Variants in MTA1 observed in about 807,000 individuals in gnomAD.
MTA1 encodes the protein metastasis-associated protein MTA1.
A neutral mutation model predicts 97.0 loss-of-function variants in MTA1; 15 were observed. That is an observed-to-expected ratio of 0.15 (90% CI 0.10 to 0.24). The LOEUF (loss-of-function observed/expected upper bound fraction) is 0.24, where lower values mean the gene tolerates loss of function less well. Ranked by LOEUF, MTA1 falls within the 10% of genes least tolerant of loss-of-function variation. The pLI, the probability that MTA1 is intolerant of heterozygous loss-of-function variation, is 1.00. For synonymous variants in MTA1, 435 were observed against 417.5 expected, an observed-to-expected ratio of 1.04 and a Z score of -0.51; for missense variants, 709 against 1,015.1, an observed-to-expected ratio of 0.70 and a Z score of 4.10.
chr14:105,438,891 A>G, intron 2 of MTA1, 152 bp downstream of exon 2: 1 of 746,844 alleles, frequency 1.3e-6, no homozygotes, highest in Non-Finnish European at 2.2e-6. Context: ...GTCCACTGTC[A>G]CCTGCACCGT....
At position 105,422,425 on chromosome 14, in the gene MTA1, G is replaced by A. The variant is rs587742282; in HGVS notation, c.28+2362G>A. 6.6e-6 allele frequency among the ~76,000 whole-genome samples: 1 copy of A among 152,248 alleles called. No homozygotes were observed. The highest frequency in any genetic ancestry group is 2.4e-5 in the African/African-American group (1 of 41,540). ...TTTGTCCGTCTGTCGCCGGCTGCCT[G>A]GCACGGGCTCCATCTGGGTGGCCAG... On this transcript the variant is annotated intron_variant, in intron 1 of 20. Transcript: ENST00000331320. The surrounding 1 kb of genome is among the most constrained non-coding windows in gnomAD (Gnocchi z 4.3).
At chr14:105,428,301 T>A (rs1450877078) in intron 1 of MTA1, among the ~76,000 whole-genome samples, 1 of 151,974 alleles carries the variant, frequency 6.6e-6, no homozygotes, top group African/African-American at 2.4e-5. Context: ...GCGTCTTTCT[T>A]TTTTTTTGAG....
At chr14:105,452,362 T>C (rs2082977565) in intron 6 of MTA1, among the ~76,000 whole-genome samples, 1 of 152,154 alleles carries the variant, frequency 6.6e-6, no homozygotes, top group South Asian at 2.1e-4. Flanking sequence ...CGGCACCAAA[T>C]AGAAACCACT....
chr14:105,443,101 G>C (rs1376694337), intron 2 of MTA1, among the ~76,000 whole-genome samples: 3 of 152,214 alleles, frequency 2.0e-5, no homozygotes, highest in African/African-American at 7.2e-5. Context: ...CCCCACTGCG[G>C]TGGAGCCTGT....
chr14:105,457,208 G>A (rs990025895), intron 7 of MTA1, among the ~76,000 whole-genome samples: 2 of 152,228 alleles, frequency 1.3e-5, no homozygotes, highest in Non-Finnish European at 2.9e-5. Context: ...GAGGACAATT[G>A]TGGAGCTCTT....
chr14:105,464,267 T>C lies in MTA1; in HGVS notation c.1192+120T>C, dbSNP rs587681576. ...CAAGGGGCCCACTGACGATGGGGGCTGCGTCCCAGGGGTGTGGTTGGGAGA... is the reference window on the plus strand; with the variant it reads ...CAAGGGGCCCACTGACGATGGGGGCCGCGTCCCAGGGGTGTGGTTGGGAGA... On this transcript the variant is annotated intron_variant, in intron 13 of 20. Transcript: ENST00000331320. 153 of 1,262,332 alleles carry C rather than the reference T, an allele frequency of 1.2e-4. No individual in the cohort carries two copies. The South Asian group carries it at 2.1e-3, about 17-fold the overall frequency. The allele number at this position is 1,262,332 out of a possible 1,614,324, so 78.2% of individuals were successfully genotyped here.
At chr14:105,438,320 T>C (rs1555424876) in intron 1 of MTA1, among the ~76,000 whole-genome samples, 1 of 152,064 alleles carries the variant, frequency 6.6e-6, no homozygotes, top group Non-Finnish European at 1.5e-5. Context: ...GAGCTGGGCT[T>C]TGCCTGGGAA....
chr14:105,469,922 G>A lies in MTA1; in HGVS notation c.1927G>A (p.Val643Ile). The A allele has an allele frequency of 6.2e-7, 1 of 1,612,212 alleles. No homozygotes were observed. Among genetic ancestry groups the A allele is most frequent in the African/African-American group, 1.3e-5 (1 of 75,042 alleles). Residue 643 changes from valine (V) to isoleucine (I), a missense_variant, in exon 20 of 21, where the codon GTC becomes ATC. Around this residue, in one of 2 missense-constraint regions of MTA1, gnomAD observed 388 missense variants for 421.6 expected, o/e 0.92. Transcript: ENST00000331320. ...GATCCGGGGGGGCTCCCTGCCCCCAGTCAAGCGGCGGCGGATGAACTGGAT... is the reference window on the plus strand; with the variant it reads ...GATCCGGGGGGGCTCCCTGCCCCCAATCAAGCGGCGGCGGATGAACTGGAT... Reference protein sequence around the residue: ...RLIRGGSLPPVKRRRMNWIDA... With the variant: ...RLIRGGSLPPIKRRRMNWIDA...
chr14:105,447,544 G>A (rs995294433), intron 3 of MTA1, among the ~76,000 whole-genome samples: 3 of 152,218 alleles, frequency 2.0e-5, no homozygotes, highest in Non-Finnish European at 2.9e-5. Context: ...CAGAGGGCAG[G>A]TTTTCCAGAA....
chr14:105,436,315 C>T (rs2082322902), intron 1 of MTA1, among the ~76,000 whole-genome samples: 2 of 152,138 alleles, frequency 1.3e-5, no homozygotes, highest in Admixed American at 6.5e-5. Context: ...TGATATTTTC[C>T]CCTCTACTAT....
In MTA1 at chr14:105,470,253, C is replaced by G. The variant is rs1555434269; in HGVS notation, c.*38C>G. ...CCTGCGGCCGCCCCCCGCCCCTCGC[C>G]CGCCCACACGGCCCCTTCCCAGCCA... is the stretch of plus-strand genomic sequence containing the variant. On this transcript the variant is annotated 3_prime_UTR_variant, in exon 21 of 21. Transcript: ENST00000331320. 1 of 1,425,816 alleles carries G rather than the reference C, an allele frequency of 7.0e-7. No homozygotes were observed. The highest frequency in any genetic ancestry group is 2.9e-5 in the Admixed American group (1 of 34,838). The allele number at this position is 1,425,816 out of a possible 1,614,324, so 88.3% of individuals were successfully genotyped here. A position where few individuals can be genotyped will look rare whatever the true frequency, so the allele number is the denominator to read the frequency against.
chr14:105,465,274 A>C, intron 16 of MTA1, 91 bp downstream of exon 16: 2 of 1,144,182 alleles, frequency 1.7e-6, no homozygotes, highest in Non-Finnish European at 1.2e-6. Flanking sequence ...AGCCTTCTCT[A>C]GCTGGGAGCT....
At chr14:105,455,641 G>A (rs1317600826) in intron 7 of MTA1, among the ~76,000 whole-genome samples, 2 of 152,236 alleles carry the variant, frequency 1.3e-5, no homozygotes, top group African/African-American at 4.8e-5. Flanking sequence ...TCAGCCTCCC[G>A]AGTAGCTGGT....
intron 6 of MTA1, among the ~76,000 whole-genome samples, chr14:105,451,775 CTTTTT>C (rs1436886470): frequency 2.5e-5 from 3 of 118,268 alleles, no homozygotes; most frequent in Non-Finnish European, 3.4e-5. Context: ...TTTTCTTTTT[CTTTTT>C]TTGTTTTTTT....
chr14:105,462,949 C>CA (rs1462739930), intron 10 of MTA1, among the ~76,000 whole-genome samples: 1 of 152,234 alleles, frequency 6.6e-6, no homozygotes, highest in African/African-American at 2.4e-5. Flanking sequence ...GACCTTGTGC[C>CA]AGCTCCTCTT....
Position 105,420,134 on chromosome 14 carries a change from C to CCCCA in MTA1, c.28+74_28+75insACCC. The stretch of plus-strand genomic sequence containing the variant: ...CCCCACCCGCCGCCGCTGCCGCCTC[C>CCCCA]CCCGCCCCTCTGCCCCGCAGGCCCC... On this transcript the variant is annotated intron_variant, in intron 1 of 20. Transcript: ENST00000331320. This position sits in a 1 kb window ranked among gnomAD's most constrained non-coding sequence, Gnocchi z 5.3. 24 of 795,304 alleles carry CCCCA rather than the reference C, an allele frequency of 3.0e-5. No individual in the cohort carries two copies. Among genetic ancestry groups the CCCCA allele is most frequent in the Middle Eastern group, 6.1e-4 (1 of 1,628 alleles). 49.3% of individuals were successfully genotyped at this position (795,304 alleles called of 1,614,324 possible).
chr14:105,444,292 G>A (rs1400562339), intron 2 of MTA1, among the ~76,000 whole-genome samples: 3 of 148,342 alleles, frequency 2.0e-5, no homozygotes, highest in African/African-American at 5.0e-5. Context: ...GGAGAATGGC[G>A]TGAACCCAGG....
At chr14:105,426,375 CAAAAAAA>C (rs781801650) in intron 1 of MTA1, among the ~76,000 whole-genome samples, 2 of 104,094 alleles carry the variant, frequency 1.9e-5, no homozygotes, top group African/African-American at 8.0e-5. Flanking sequence ...CTTCGTCTCA[CAAAAAAA>C]AAAAAAAAAA....
chr14:105,466,981 C>G (rs1478273178), intron 18 of MTA1: 2 of 578,696 alleles, frequency 3.5e-6, no homozygotes, highest in Non-Finnish European at 6.1e-6. Context: ...AGTGGACTGT[C>G]CTGGCACGTG....
Sources: allele counts gnomAD v4.1 joint callset (sites outside exome capture counted in the v4.1 genomes callset), GRCh38; gene constraint gnomAD v4.1.1; regional missense constraint gnomAD v4.1.1; non-coding constraint Gnocchi (gnomAD v3.1); transcripts MANE v1.5; gene names NCBI Gene and HGNC (gene_info 2026-07-23, HGNC 2026-07-21).